Variants in ZNHIT6 observed in about 807,000 individuals in gnomAD.
ZNHIT6 encodes the protein box C/D snoRNA protein 1.
Under a neutral mutation model 57.2 loss-of-function variants are expected in ZNHIT6, and 45 were observed. The observed-to-expected ratio is 0.79, with a 90% CI of 0.62 to 1.01. ZNHIT6 has a LOEUF of 1.01. Ranked by LOEUF, ZNHIT6 falls within the 50% of genes least tolerant of loss-of-function variation. ZNHIT6 has a pLI of 0.00. For synonymous variants in ZNHIT6, 188 were observed against 190.0 expected, an observed-to-expected ratio of 0.99 and a Z score of 0.09; for missense variants, 528 against 567.3, an observed-to-expected ratio of 0.93 and a Z score of 0.70.
At chr1:85,690,802 G>A (rs1470824549) in intron 5 of ZNHIT6, among the ~76,000 whole-genome samples, 1 of 152,130 alleles carries the variant, frequency 6.6e-6, no homozygotes, top group African/African-American at 2.4e-5. Context: ...GAGGCGAGCG[G>A]ATCACTTGAG....
At chr1:85,663,429 G>A (rs1423550140) in intron 8 of ZNHIT6, among the ~76,000 whole-genome samples, 1 of 151,168 alleles carries the variant, frequency 6.6e-6, no homozygotes, top group Non-Finnish European at 1.5e-5. Flanking sequence ...ATCAGGTAAA[G>A]TAGAGAAGAC....
intron 8 of ZNHIT6, among the ~76,000 whole-genome samples, chr1:85,663,952 G>A (rs1661293397): frequency 6.6e-6 from 1 of 152,094 alleles, no homozygotes; most frequent in African/African-American, 2.4e-5. Context: ...TAGGTGACCT[G>A]CCCCTTCTCT....
chr1:85,706,294 C>A lies in ZNHIT6; in HGVS notation c.784G>T (p.Ala262Ser). ...GTAAACTGTTGTATTGAAATGTATG[C>A]AGTTTTATCTCGAACTCCATTACAT... ...LTCNGVRDKT[A>S]YISIQQFTEM... Residue 262 changes from alanine (A) to serine (S), a missense_variant, in exon 3 of 10, where the codon GCA (alanine) becomes TCA (serine). Physicochemically the swap from Ala to Ser is moderately conservative, Grantham distance 99 (BLOSUM62 1). Coordinates refer to ENST00000370574, the MANE Select transcript of ZNHIT6 (RefSeq NM_017953.4). The A allele has an allele frequency of 6.2e-7, 1 of 1,612,880 alleles. No individual in the cohort carries two copies. Among genetic ancestry groups the A allele is most frequent in the Non-Finnish European group, 8.5e-7 (1 of 1,179,308 alleles).
intron 8 of ZNHIT6, among the ~76,000 whole-genome samples, chr1:85,673,446 T>C (rs1384487921): frequency 6.6e-6 from 1 of 152,190 alleles, no homozygotes; most frequent in African/African-American, 2.4e-5. Context: ...AACTTAAGCA[T>C]GCTCTAGCTG....
At position 85,652,114 on chromosome 1, in the gene ZNHIT6, T is replaced by C. The variant is rs1419164080; in HGVS notation, c.*1944A>G. The C allele has an allele frequency of 6.6e-6, 1 of 152,182 alleles. No individual in the cohort carries two copies. Among genetic ancestry groups the C allele is most frequent in the Non-Finnish European group, 1.5e-5 (1 of 68,026 alleles). The allele number at this position is 152,182 out of a possible 1,614,324, so 9.4% of individuals were successfully genotyped here. ...AAACTACAGGATAGTTTGTTTTCTG[T>C]CCAGGTTTCAATTTAAATTCAGAAG... On this transcript the variant is annotated 3_prime_UTR_variant, in exon 10 of 10. Transcript: ENST00000370574.
chr1:85,659,129 G>A (rs1661156601), intron 8 of ZNHIT6, among the ~76,000 whole-genome samples: 1 of 152,116 alleles, frequency 6.6e-6, no homozygotes, highest in Admixed American at 6.5e-5. Flanking sequence ...AAGAAATACA[G>A]AGTTTATCGT....
Position 85,708,242 on chromosome 1 carries a change from G to A in ZNHIT6, c.43C>T (p.Leu15Phe), listed in dbSNP as rs1002967775. ...CGCACCCCCTCAGCTACGCTGTGGA[G>A]ACCTCCCCCAGACTTCCCTTCATTT... ...AENEGKSGGG[L>F]HSVAEGVRLS... Residue 15 changes from leucine (L) to phenylalanine (F), a missense_variant, in exon 1 of 10, where the codon CTC becomes TTC. Leu to Phe is a conservative substitution (Grantham distance 22). Coordinates refer to ENST00000370574, the MANE Select transcript of ZNHIT6 (RefSeq NM_017953.4). The A allele has an allele frequency of 6.2e-7, 1 of 1,610,488 alleles. No individual in the cohort carries two copies.
At chr1:85,685,041 A>C (rs1661988247) in intron 5 of ZNHIT6, among the ~76,000 whole-genome samples, 1 of 152,188 alleles carries the variant, frequency 6.6e-6, no homozygotes. Flanking sequence ...AGAAATACTA[A>C]GGAAGTGTGG....
rs1169017178 is a variant in ZNHIT6 at position 85,706,244 on chromosome 1, C to T, written c.829+5G>A. On this transcript the variant is annotated splice_donor_5th_base_variant and intron_variant, in intron 3 of 9. Transcript: ENST00000370574. ...CCTCAATTTGCTATGCATAAAGTGG[C>T]TTACCACTTAGGAGATTCATTTCAG... 1.9e-5 allele frequency: 31 copies of T among 1,609,820 alleles called. No individual in the cohort carries two copies. The highest frequency in any genetic ancestry group is 2.5e-5 in the Non-Finnish European group (29 of 1,177,058).
chr1:85,680,732 C>T (rs1306462455), intron 6 of ZNHIT6, 104 bp downstream of exon 6: 14 of 790,926 alleles, frequency 1.8e-5, no homozygotes, highest in Admixed American at 5.2e-5. Context: ...AAATACACCA[C>T]AATTTAGTTA....
At chr1:85,662,298 G>A (rs958175475) in intron 8 of ZNHIT6, among the ~76,000 whole-genome samples, 1 of 151,820 alleles carries the variant, frequency 6.6e-6, no homozygotes, top group Non-Finnish European at 1.5e-5. Flanking sequence ...CCAAAACTAA[G>A]TTTGAATTTC....
chr1:85,675,199 G>C (rs1661666161), intron 8 of ZNHIT6, among the ~76,000 whole-genome samples: 1 of 152,082 alleles, frequency 6.6e-6, no homozygotes, highest in African/African-American at 2.4e-5. Flanking sequence ...AAAACATTAA[G>C]ACTTATTTTA....
intron 8 of ZNHIT6, among the ~76,000 whole-genome samples, chr1:85,668,913 A>G (rs1238071190): frequency 6.6e-6 from 1 of 152,156 alleles, no homozygotes; most frequent in African/African-American, 2.4e-5. Flanking sequence ...GAGTTTACCA[A>G]CCTGGCCAGT....
intron 5 of ZNHIT6, among the ~76,000 whole-genome samples, chr1:85,698,051 C>T (rs1162085552): frequency 6.6e-6 from 1 of 152,106 alleles, no homozygotes; most frequent in Non-Finnish European, 1.5e-5. Context: ...CCAACATTTC[C>T]TTATCAAGCT....
intron 5 of ZNHIT6, among the ~76,000 whole-genome samples, chr1:85,687,155 CTG>C (rs919525927): frequency 5.5e-4 from 84 of 151,616 alleles, no homozygotes; most frequent in Middle Eastern, 6.8e-3. Context: ...TGGCGCTCAA[CTG>C]TAGTCCTAGC....
intron 8 of ZNHIT6, among the ~76,000 whole-genome samples, chr1:85,667,961 A>AAAAAAAAAATATATATATATAT: frequency 5.5e-5 from 1 of 18,202 alleles, no homozygotes; most frequent in African/African-American, 2.1e-4. Context: ...AAAAAAAAAA[A>AAAAAAAAAATATATATATATAT]ATATATATAT....
At chr1:85,676,794 T>C (rs998135146) in intron 8 of ZNHIT6, among the ~76,000 whole-genome samples, 6 of 152,174 alleles carry the variant, frequency 3.9e-5, no homozygotes, top group African/African-American at 1.4e-4. Flanking sequence ...ATAACAGATA[T>C]AGTGCTAACG....
chr1:85,654,124 G>C (rs748029261), intron 9 of ZNHIT6, 26 bp from the exon 10 acceptor site: 28 of 1,600,156 alleles, frequency 1.7e-5, no homozygotes, highest in Non-Finnish European at 2.3e-5. Context: ...TAAACATACA[G>C]TCAAGTGTTT....
chr1:85,658,030 TAGATA>T lies in ZNHIT6; in HGVS notation c.1248-64_1248-60del, dbSNP rs1265994897. On this transcript the variant is annotated intron_variant, in intron 8 of 9. Transcript: ENST00000370574. ...CACTCTTAATATTCAAAATTACTAATAGATAAATATATGAGAGTATTTTACATTAA... is the reference window on the plus strand; with the variant it reads ...CACTCTTAATATTCAAAATTACTAATAATATATGAGAGTATTTTACATTAA... The T allele has an allele frequency of 2.6e-6, 3 of 1,157,300 alleles. No homozygotes were observed. The African/African-American group carries it at 4.8e-5, about 18-fold the overall frequency. The allele number at this position is 1,157,300 out of a possible 1,614,324, so 71.7% of individuals were successfully genotyped here.
Sources: allele counts gnomAD v4.1 joint callset (sites outside exome capture counted in the v4.1 genomes callset), GRCh38; gene constraint gnomAD v4.1.1; transcripts MANE v1.5; gene names NCBI Gene and HGNC (gene_info 2026-07-23, HGNC 2026-07-21).